Variants in EPS15L1 observed in about 807,000 individuals in gnomAD.
EPS15L1 encodes the protein epidermal growth factor receptor pathway substrate 15 like 1.
In EPS15L1, 43 loss-of-function variants were observed where a neutral mutation model predicts 117.1. That is an observed-to-expected ratio of 0.37 (90% CI 0.29 to 0.47). EPS15L1 has a LOEUF of 0.47. Ranked by LOEUF, EPS15L1 falls within the 20% of genes least tolerant of loss-of-function variation. The pLI, the probability that EPS15L1 is intolerant of heterozygous loss-of-function variation, is 0.99. For missense variants in EPS15L1, 981 were observed against 1,164.0 expected (o/e 0.84, Z 2.29); for synonymous variants, 459 against 470.5 (o/e 0.98, Z 0.32).
intron 21 of EPS15L1, 65 bp downstream of exon 21, chr19:16,385,064 C>CCA (rs1269133780): frequency 1.3e-5 from 16 of 1,274,408 alleles, no homozygotes; most frequent in Non-Finnish European, 1.5e-5. Context: ...GCCTGGCAGC[C>CCA]CACACCATGA....
At chr19:16,382,170 G>A (rs1190104651) in intron 21 of EPS15L1, among the ~76,000 whole-genome samples, 1 of 152,158 alleles carries the variant, frequency 6.6e-6, no homozygotes, top group African/African-American at 2.4e-5. Flanking sequence ...GAGGCCAATT[G>A]GCAACTCGCG....
chr19:16,387,263 A>G (rs2092429588), intron 19 of EPS15L1, among the ~76,000 whole-genome samples: 1 of 152,248 alleles, frequency 6.6e-6, no homozygotes, highest in Non-Finnish European at 1.5e-5. Flanking sequence ...CAGGAGTTCA[A>G]GACCAGCCTG....
chr19:16,448,935 G>C (rs1568460770), intron 1 of EPS15L1, among the ~76,000 whole-genome samples: 1 of 152,068 alleles, frequency 6.6e-6, no homozygotes, highest in South Asian at 2.1e-4. Context: ...ATATATACTA[G>C]AGAGCTCTCA....
chr19:16,400,414 T>C (rs981781768), intron 16 of EPS15L1, among the ~76,000 whole-genome samples: 1 of 150,224 alleles, frequency 6.7e-6, no homozygotes, highest in African/African-American at 2.4e-5. Context: ...GAGCTTCACA[T>C]GGAATTTAGT....
At chr19:16,453,775 G>A (rs553210318) in intron 1 of EPS15L1, among the ~76,000 whole-genome samples, 75 of 151,684 alleles carry the variant, frequency 4.9e-4, no homozygotes, top group African/African-American at 1.7e-3. Context: ...GACAGGATCC[G>A]TATTCCAAAC....
chr19:16,385,269 G>A, intron 20 of EPS15L1, 58 bp from the exon 21 acceptor site: 1 of 1,430,680 alleles, frequency 7.0e-7, no homozygotes, highest in South Asian at 1.1e-5. Flanking sequence ...ATGCCTTCTG[G>A]GGTGGAGGGG....
At chr19:16,390,489 T>C (rs186420365) in intron 19 of EPS15L1, among the ~76,000 whole-genome samples, 147 of 152,246 alleles carry the variant, frequency 9.7e-4, no homozygotes, top group African/African-American at 3.3e-3. Flanking sequence ...ATCTGAACAC[T>C]ATGAGGAACC....
At chr19:16,375,143 G>A (rs1402407287) in intron 22 of EPS15L1, among the ~76,000 whole-genome samples, 1 of 152,236 alleles carries the variant, frequency 6.6e-6, no homozygotes, top group Non-Finnish European at 1.5e-5. Context: ...ATGCATATAA[G>A]CATGGAGAGT....
chr19:16,378,667 C>G (rs1008365790), intron 21 of EPS15L1, among the ~76,000 whole-genome samples: 10 of 152,162 alleles, frequency 6.6e-5, no homozygotes, highest in African/African-American at 2.4e-4. Flanking sequence ...GCGCCGCCAC[C>G]TGGGGGGATG....
intron 19 of EPS15L1, among the ~76,000 whole-genome samples, chr19:16,391,714 C>T (rs927245010): frequency 4.0e-5 from 6 of 151,554 alleles, no homozygotes; most frequent in Non-Finnish European, 7.4e-5. Flanking sequence ...GTGTCTGCCA[C>T]GCCCGGGGAT....
At chr19:16,468,752 C>G (rs2093324534) in intron 1 of EPS15L1, among the ~76,000 whole-genome samples, 1 of 152,170 alleles carries the variant, frequency 6.6e-6, no homozygotes, top group South Asian at 2.1e-4. Flanking sequence ...GTGGCTGACA[C>G]CGTAATTCCA....
intron 7 of EPS15L1, among the ~76,000 whole-genome samples, chr19:16,432,219 A>C (rs2145017110): frequency 6.6e-6 from 1 of 152,276 alleles, no homozygotes; most frequent in African/African-American, 2.4e-5. Flanking sequence ...GGATCACCTG[A>C]GGTCAGGAGT....
rs1417577932 is a variant in EPS15L1 at position 16,471,549 on chromosome 19, T to C, written c.33+364A>G. ...GGACCGGAGGGAGACAAAGACTCGCTGGGCCGCCGCGCCGACAGAAACGCT... is the reference window on the plus strand; with the variant it reads ...GGACCGGAGGGAGACAAAGACTCGCCGGGCCGCCGCGCCGACAGAAACGCT... On this transcript the variant is annotated intron_variant, in intron 1 of 23. Coordinates refer to ENST00000455140, the MANE Select transcript of EPS15L1 (RefSeq NM_001258374.3). This position sits in a 1 kb window ranked among gnomAD's most constrained non-coding sequence, Gnocchi z 4.8. Among the ~76,000 whole-genome samples the C allele has an allele frequency of 5.9e-5, 9 of 152,080 alleles. No homozygotes were observed. The highest frequency in any genetic ancestry group is 9.7e-5 in the African/African-American group (4 of 41,400).
At chr19:16,435,753 G>C (rs775729464) in intron 6 of EPS15L1, among the ~76,000 whole-genome samples, 14 of 152,076 alleles carry the variant, frequency 9.2e-5, no homozygotes, top group African/African-American at 3.1e-4. Flanking sequence ...TTGGCACTTC[G>C]GGCTTGTTCT....
intron 23 of EPS15L1, among the ~76,000 whole-genome samples, chr19:16,360,288 A>C (rs1282242624): frequency 2.6e-5 from 4 of 152,154 alleles, no homozygotes; most frequent in Admixed American, 6.5e-5. Flanking sequence ...AAATAAATGA[A>C]GGGCTATTCA....
Position 16,471,970 on chromosome 19 carries a change from C to T in EPS15L1, c.-25G>A, listed in dbSNP as rs1365279620. 7.8e-7 allele frequency: 1 copy of T among 1,278,798 alleles called. No individual in the cohort carries two copies. Among genetic ancestry groups the T allele is most frequent in the Non-Finnish European group, 9.9e-7 (1 of 1,014,156 alleles). 79.2% of individuals were successfully genotyped at this position (1,278,798 alleles called of 1,614,324 possible). On this transcript the variant is annotated 5_prime_UTR_variant, in exon 1 of 24. Transcript: ENST00000455140. This position sits in a 1 kb window ranked among gnomAD's most constrained non-coding sequence, Gnocchi z 4.8. The stretch of plus-strand genomic sequence containing the variant: ...TCTTCCCGCGGACTCGGGCTCCGAG[C>T]GCCGGGGGAACGGGGGCGGGGCTGC...
At chr19:16,378,644 G>A (rs2092325466) in intron 21 of EPS15L1, among the ~76,000 whole-genome samples, 1 of 152,110 alleles carries the variant, frequency 6.6e-6, no homozygotes, top group Non-Finnish European at 1.5e-5. Context: ...GGCCTGTGAT[G>A]AGCAGATACT....
chr19:16,375,739 T>C lies in EPS15L1; in HGVS notation c.2380+1383A>G, dbSNP rs117243981. Reference sequence around the variant, plus strand: ...CAGTTCACAGAAAATCTGCTCTAAATCCACACAGCCCATACTTGGTCATAC... The same window carrying C: ...CAGTTCACAGAAAATCTGCTCTAAACCCACACAGCCCATACTTGGTCATAC... On this transcript the variant is annotated intron_variant, in intron 22 of 23. Coordinates refer to ENST00000455140, the MANE Select transcript of EPS15L1 (RefSeq NM_001258374.3). Among the ~76,000 whole-genome samples the C allele has an allele frequency of 1.8e-3, 281 of 152,348 alleles. 3 individuals carry two copies. Among genetic ancestry groups the C allele is most frequent in the East Asian group, 0.013 (70 of 5,194 alleles).
rs934120614 is a variant in EPS15L1 at position 16,383,099 on chromosome 19, G to A, written c.2247+2030C>T. 10 of 152,134 alleles carry A rather than the reference G, an allele frequency of 6.6e-5. No individual in the cohort carries two copies. Among genetic ancestry groups the A allele is most frequent in the East Asian group, 1.9e-4 (1 of 5,200 alleles). The allele number at this position is 152,134 out of a possible 1,614,324, so 9.4% of individuals were successfully genotyped here. On this transcript the variant is annotated intron_variant, in intron 21 of 23. Coordinates refer to ENST00000455140, the MANE Select transcript of EPS15L1 (RefSeq NM_001258374.3). The surrounding 1 kb of genome is among the most constrained non-coding windows in gnomAD (Gnocchi z 5.2). ...AAGGTCAGGGTTGAGCTCAGAATGC[G>A]GCTGTACAAGTGTCATGAAGGCAGC...
Sources: allele counts gnomAD v4.1 joint callset (sites outside exome capture counted in the v4.1 genomes callset), GRCh38; gene constraint gnomAD v4.1.1; non-coding constraint Gnocchi (gnomAD v3.1); transcripts MANE v1.5; gene names NCBI Gene and HGNC (gene_info 2026-07-23, HGNC 2026-07-21).